THSD1: variants seen among roughly 807,000 people sequenced by gnomAD.
THSD1 encodes thrombospondin type-1 domain-containing protein 1.
THSD1 carries 34 observed loss-of-function variants against 46.3 expected under a neutral mutation model. The ratio of observed to expected loss-of-function variants is 0.74; its 90% CI spans 0.56 to 0.98. The LOEUF is 0.98. Ranked by LOEUF, THSD1 falls within the 50% of genes least tolerant of loss-of-function variation. The probability of loss-of-function intolerance (pLI) is 0.00; values close to 1 mark genes in which losing one functional copy is unlikely to be tolerated. For missense variants in THSD1, 1,023 were observed against 1,058.3 expected (o/e 0.97, Z 0.46); for synonymous variants, 407 against 416.5 (o/e 0.98, Z 0.28).
At chr13:52,404,470 T>C (rs1317146045) in intron 1 of THSD1, among the ~76,000 whole-genome samples, 1 of 152,140 alleles carries the variant, frequency 6.6e-6, no homozygotes, top group Non-Finnish European at 1.5e-5. Flanking sequence ...AGTGTAACTA[T>C]GCAGATTAGG....
At chr13:52,386,906 G>T (rs1333223100) in intron 3 of THSD1, among the ~76,000 whole-genome samples, 5 of 152,164 alleles carry the variant, frequency 3.3e-5, no homozygotes, top group African/African-American at 1.2e-4. Context: ...CCTTGGGGAA[G>T]AGCCAAAAAT....
chr13:52,378,598 T>TGGG lies in THSD1; in HGVS notation c.1369_1371dup (p.Pro457dup), dbSNP rs1594095203. ...TCCTCGTCCGAGTTCTTCCGGAAGC[T>TGGG]GGGGGAGTGGATGGAGTTGTGTCGA... is the stretch of plus-strand genomic sequence containing the variant. On this transcript the variant is annotated inframe_insertion, in exon 5 of 5. Coordinates refer to ENST00000258613, the MANE Select transcript of THSD1 (RefSeq NM_018676.4). 1 of 1,614,010 alleles carries TGGG rather than the reference T, an allele frequency of 6.2e-7. No homozygotes were observed. Among genetic ancestry groups the TGGG allele is most frequent in the East Asian group, 2.2e-5 (1 of 44,850 alleles).
At chr13:52,388,651 T>C (rs900511995) in intron 3 of THSD1, among the ~76,000 whole-genome samples, 1 of 152,096 alleles carries the variant, frequency 6.6e-6, no homozygotes, top group Admixed American at 6.6e-5. Context: ...AGCTAACTTA[T>C]GGTATTTTTA....
chr13:52,397,265 T>C lies in THSD1; in HGVS notation c.988A>G (p.Lys330Glu). 1 of 1,609,176 alleles carries C rather than the reference T, an allele frequency of 6.2e-7. No homozygotes were observed. Among genetic ancestry groups the C allele is most frequent in the South Asian group, 1.1e-5 (1 of 89,900 alleles). The change falls in exon 3 of 5, where the codon AAG (lysine) becomes GAG (glutamate). Residue 330 changes from lysine to glutamate, a missense_variant. Physicochemically the swap from Lys to Glu is moderately conservative, Grantham distance 56. Coordinates refer to ENST00000258613, the MANE Select transcript of THSD1 (RefSeq NM_018676.4). ...GISSRSHFSA[K>E]EECMLIQRNT... is the part of the protein sequence containing the mutation. ...CTCTGAATTAGCATGCACTCCTCCT[T>C]TGCAGAAAAATGGCTTCTGCTTGAA...
chr13:52,406,032 T>C lies in THSD1; in HGVS notation c.-83A>G, dbSNP rs1957903653. On this transcript the variant is annotated splice_region_variant and 5_prime_UTR_variant, in exon 1 of 5. Coordinates refer to ENST00000258613, the MANE Select transcript of THSD1 (RefSeq NM_018676.4). The stretch of plus-strand genomic sequence containing the variant: ...CAGGATGCGGAGGGCGCTTCTTACC[T>C]TTCGAGACTGACGGGCAGCAACCCC... 6.6e-6 allele frequency: 1 copy of C among 152,260 alleles called. No homozygotes were observed. The highest frequency in any genetic ancestry group is 6.5e-5 in the Admixed American group (1 of 15,288). 9.4% of individuals were successfully genotyped at this position (152,260 alleles called of 1,614,324 possible). A position where few individuals can be genotyped will look rare whatever the true frequency, so the allele number is the denominator to read the frequency against.
intron 4 of THSD1, among the ~76,000 whole-genome samples, chr13:52,382,528 C>T (rs1217432710): frequency 3.3e-5 from 5 of 152,158 alleles, no homozygotes; most frequent in African/African-American, 1.2e-4. Flanking sequence ...ACTTGGCTGG[C>T]CTCACGTCTC....
At chr13:52,402,914 A>T in intron 1 of THSD1, 2 of 985,446 alleles carry the variant, frequency 2.0e-6, no homozygotes, top group African/African-American at 3.5e-5. Flanking sequence ...CACTAAAATT[A>T]TCTTTGCACA....
intron 1 of THSD1, chr13:52,402,948 AG>A: frequency 1.0e-6 from 1 of 985,434 alleles, no homozygotes; most frequent in Non-Finnish European, 1.2e-6. Flanking sequence ...TTCTCTTTAC[AG>A]CACATCCTGA....
chr13:52,400,656 A>T (rs767373077), intron 2 of THSD1, among the ~76,000 whole-genome samples: 2 of 152,152 alleles, frequency 1.3e-5, no homozygotes, highest in African/African-American at 4.8e-5. Flanking sequence ...CCACATCCTG[A>T]CTACTGTAAT....
In THSD1 at chr13:52,384,891, G is replaced by A. The variant is rs561340574; in HGVS notation, c.1180+1137C>T. On this transcript the variant is annotated intron_variant, in intron 4 of 4. Coordinates refer to ENST00000258613, the MANE Select transcript of THSD1 (RefSeq NM_018676.4). Reference sequence around the variant, plus strand: ...ATAATGGATTCAGGGTGGGGCCTATGAAAGACAGGCAGATGGAGGCTAGGA... The same window carrying A: ...ATAATGGATTCAGGGTGGGGCCTATAAAAGACAGGCAGATGGAGGCTAGGA... 9.2e-5 allele frequency among the ~76,000 whole-genome samples: 14 copies of A among 151,608 alleles called. No individual in the cohort carries two copies. The South Asian group carries it at 2.7e-3, about 29-fold the overall frequency.
chr13:52,394,036 C>T (rs1211894310), intron 3 of THSD1, among the ~76,000 whole-genome samples: 1 of 152,140 alleles, frequency 6.6e-6, no homozygotes, highest in Admixed American at 6.6e-5. Flanking sequence ...TGGGGCAGCC[C>T]CACAGGGAGC....
chr13:52,387,443 A>C (rs750653447), intron 3 of THSD1, among the ~76,000 whole-genome samples: 1 of 152,210 alleles, frequency 6.6e-6, no homozygotes, highest in East Asian at 1.9e-4. Context: ...TAGGCACAAA[A>C]AGCAAGGAAA....
At chr13:52,392,585 G>A (rs1957781753) in intron 3 of THSD1, among the ~76,000 whole-genome samples, 1 of 152,198 alleles carries the variant, frequency 6.6e-6, no homozygotes, top group Non-Finnish European at 1.5e-5. Flanking sequence ...TAACAAACCT[G>A]TTTGTCCAGG....
At chr13:52,380,025 G>A (rs1317327962) in intron 4 of THSD1, among the ~76,000 whole-genome samples, 1 of 152,000 alleles carries the variant, frequency 6.6e-6, no homozygotes, top group African/African-American at 2.4e-5. Context: ...AAGCGTTAAA[G>A]CCTCTGCATT....
chr13:52,381,312 T>G (rs74085743), intron 4 of THSD1, among the ~76,000 whole-genome samples: 2,827 of 152,250 alleles, frequency 0.019, 100 homozygotes, highest in African/African-American at 0.065. Context: ...CTCAGACACG[T>G]GAATTCCTAG....
At chr13:52,380,120 G>A (rs967190978) in intron 4 of THSD1, among the ~76,000 whole-genome samples, 1 of 151,784 alleles carries the variant, frequency 6.6e-6, no homozygotes, top group Admixed American at 6.6e-5. Context: ...TCCTCAAACT[G>A]GTTTGTCCCA....
intron 4 of THSD1, among the ~76,000 whole-genome samples, chr13:52,383,574 T>C (rs1409562980): frequency 6.6e-6 from 1 of 152,216 alleles, no homozygotes. Context: ...CACTTGACTC[T>C]GTTATCTTTT....
Position 52,402,697 on chromosome 13 carries a change from CA to C in THSD1, c.-81-17del. On this transcript the variant is annotated splice_polypyrimidine_tract_variant and intron_variant, in intron 1 of 4. Coordinates refer to ENST00000258613, the MANE Select transcript of THSD1 (RefSeq NM_018676.4). ...CCAAAAACACCTGAAATTAGAACCT[CA>C]AAAAATGATGGCTCCGTTCAATGTG... is the stretch of plus-strand genomic sequence containing the variant. 1.3e-6 allele frequency: 2 copies of C among 1,550,580 alleles called. No homozygotes were observed. Among genetic ancestry groups the C allele is most frequent in the East Asian group, 2.3e-5 (1 of 42,980 alleles).
intron 3 of THSD1, among the ~76,000 whole-genome samples, chr13:52,391,556 A>T (rs987252852): frequency 1.3e-4 from 20 of 148,608 alleles, no homozygotes; most frequent in South Asian, 2.1e-4. Context: ...ATATATATAT[A>T]TTTTTTAGAT....
Sources: allele counts gnomAD v4.1 joint callset (sites outside exome capture counted in the v4.1 genomes callset), GRCh38; gene constraint gnomAD v4.1.1; transcripts MANE v1.5; gene names NCBI Gene and HGNC (gene_info 2026-07-23, HGNC 2026-07-21).